The following PLCL1 variants were observed in gnomAD, a reference collection of about 807,000 sequenced individuals.
PLCL1 encodes phospholipase C like 1 (inactive), also known as inactive phospholipase C-like protein 1.
In PLCL1, 41 loss-of-function variants were observed where a neutral mutation model predicts 84.4. That is an observed-to-expected ratio of 0.49 (90% confidence interval 0.38 to 0.63). The LOEUF (loss-of-function observed/expected upper bound fraction) is 0.63, where lower values mean the gene tolerates loss of function less well. Among genes scored for constraint, PLCL1 ranks in the 30% least tolerant of loss-of-function variants. The probability of loss-of-function intolerance (pLI) is 0.00; values close to 1 mark genes in which losing one functional copy is unlikely to be tolerated. For missense variants in PLCL1, 1,206 were observed against 1,367.8 expected (o/e 0.88, Z 1.87); for synonymous variants, 490 against 488.3 (o/e 1.00, Z -0.05).
intron 1 of PLCL1, among the ~76,000 whole-genome samples, chr2:197,818,583 G>A (rs577827369): frequency 6.6e-6 from 1 of 152,168 alleles, no homozygotes; most frequent in Non-Finnish European, 1.5e-5. Flanking sequence ...TGCCCAGGTT[G>A]AACTTGAACT....
At chr2:198,061,315 A>C (rs190262606) in intron 1 of PLCL1, among the ~76,000 whole-genome samples, 1 of 152,208 alleles carries the variant, frequency 6.6e-6, no homozygotes. Context: ...TACAATTTCT[A>C]TTGTTTCTTG....
chr2:197,981,162 A>T (rs771727107), intron 1 of PLCL1, among the ~76,000 whole-genome samples: 3 of 152,208 alleles, frequency 2.0e-5, no homozygotes, highest in Non-Finnish European at 4.4e-5. Context: ...CAATCAAACT[A>T]GCAGTAGTTA....
intron 1 of PLCL1, among the ~76,000 whole-genome samples, chr2:197,955,336 A>G (rs1450481235): frequency 6.6e-6 from 1 of 152,006 alleles, no homozygotes; most frequent in Non-Finnish European, 1.5e-5. Context: ...GTGTGAGTCC[A>G]GCCTTGTTCC....
At chr2:198,055,365 A>AAGAGAG (rs3068250) in intron 1 of PLCL1, among the ~76,000 whole-genome samples, 2 of 128,760 alleles carry the variant, frequency 1.6e-5, no homozygotes, top group South Asian at 2.8e-4. Context: ...GAGAGAGAGA[A>AAGAGAG]AGAGAGAGAG....
At chr2:197,994,298 C>A (rs1405506177) in intron 1 of PLCL1, among the ~76,000 whole-genome samples, 1 of 152,176 alleles carries the variant, frequency 6.6e-6, no homozygotes, top group Non-Finnish European at 1.5e-5. Flanking sequence ...TCCTTTCACA[C>A]CTCACTGTGA....
chr2:197,951,592 C>T (rs1311961875), intron 1 of PLCL1, among the ~76,000 whole-genome samples: 1 of 152,138 alleles, frequency 6.6e-6, no homozygotes, highest in Admixed American at 6.6e-5. Flanking sequence ...AAGCATACCT[C>T]CTGTAGTTTG....
chr2:198,113,475 A>T (rs1202993934), intron 5 of PLCL1, among the ~76,000 whole-genome samples: 1 of 151,930 alleles, frequency 6.6e-6, no homozygotes, highest in African/African-American at 2.4e-5. Context: ...CAAGCACATG[A>T]TGTGTGTTAA....
chr2:198,097,176 G>A (rs1351641428), intron 3 of PLCL1, among the ~76,000 whole-genome samples: 1 of 152,180 alleles, frequency 6.6e-6, no homozygotes, highest in Non-Finnish European at 1.5e-5. Flanking sequence ...AGAGCTCGGT[G>A]TTTAAAAACA....
intron 1 of PLCL1, among the ~76,000 whole-genome samples, chr2:197,865,316 C>T (rs1301217499): frequency 1.3e-5 from 2 of 152,150 alleles, no homozygotes; most frequent in Non-Finnish European, 2.9e-5. Flanking sequence ...TTTCTCAGCA[C>T]TGAAGAAATT....
chr2:198,110,776 G>T (rs1296973589), intron 5 of PLCL1, among the ~76,000 whole-genome samples: 2 of 151,924 alleles, frequency 1.3e-5, no homozygotes, highest in East Asian at 3.9e-4. Flanking sequence ...CTGCCTGAGG[G>T]TATATAAAGA....
chr2:197,810,405 A>G, intron 1 of PLCL1: 2 of 531,112 alleles, frequency 3.8e-6, no homozygotes, highest in East Asian at 7.2e-5. Flanking sequence ...GAATTTACAA[A>G]GTTTGTTTTC....
chr2:197,999,249 C>T (rs1393902320), intron 1 of PLCL1, among the ~76,000 whole-genome samples: 1 of 152,144 alleles, frequency 6.6e-6, no homozygotes, highest in African/African-American at 2.4e-5. Context: ...CTGGCACCAT[C>T]TCACTTTCTG....
At chr2:197,898,500 A>T (rs1414414274) in intron 1 of PLCL1, among the ~76,000 whole-genome samples, 1 of 151,958 alleles carries the variant, frequency 6.6e-6, no homozygotes, top group African/African-American at 2.4e-5. Context: ...TCATTTGCAA[A>T]ATTTGAAACA....
intron 1 of PLCL1, among the ~76,000 whole-genome samples, chr2:197,813,439 A>C (rs1028716469): frequency 1.3e-5 from 2 of 152,168 alleles, no homozygotes; most frequent in Non-Finnish European, 2.9e-5. Context: ...CATCTTCAGC[A>C]TTTAGTAAAC....
intron 1 of PLCL1, among the ~76,000 whole-genome samples, chr2:197,882,919 G>T (rs780763188): frequency 6.6e-6 from 1 of 152,112 alleles, no homozygotes; most frequent in Non-Finnish European, 1.5e-5. Flanking sequence ...CATTATGGAC[G>T]TATTTTACAG....
chr2:198,098,256 G>A (rs1693249627), intron 3 of PLCL1, among the ~76,000 whole-genome samples: 1 of 152,120 alleles, frequency 6.6e-6, no homozygotes, highest in South Asian at 2.1e-4. Flanking sequence ...CTTCTCCAAA[G>A]TTCCTAACTC....
rs1316267278 is a variant in PLCL1, at chr2:198,148,745, T to C, written c.*1783T>C. On this transcript the variant is annotated 3_prime_UTR_variant, in exon 6 of 6. Coordinates refer to ENST00000428675, the MANE Select transcript of PLCL1 (RefSeq NM_006226.4). ...CCTTACATCAGCTGATTGGTTGATTTTACTAGTGTACCTCTTCATCTACTT... is the reference window on the plus strand; with the variant it reads ...CCTTACATCAGCTGATTGGTTGATTCTACTAGTGTACCTCTTCATCTACTT... The C allele has an allele frequency of 2.0e-5, 3 of 152,442 alleles. No homozygotes were observed. In the East Asian group the frequency reaches 5.6e-4, roughly 29 times the overall value. The allele number at this position is 152,442 out of a possible 1,614,324, so 9.4% of individuals were successfully genotyped here.
intron 1 of PLCL1, among the ~76,000 whole-genome samples, chr2:197,978,743 C>G (rs934408338): frequency 1.3e-5 from 2 of 152,214 alleles, no homozygotes; most frequent in African/African-American, 4.8e-5. Context: ...AGGTGGGAAC[C>G]AACCCTGGCC....
Position 197,998,173 on chromosome 2 carries a change from C to CTG in PLCL1, c.241-85584_241-85583insGT, listed in dbSNP as rs1332006979. On this transcript the variant is annotated intron_variant, in intron 1 of 5. Transcript: ENST00000428675. Reference sequence around the variant, plus strand: ...GGGAGTTTCCTTGAGAAGAATGGAGCTATGTGTGTGTGTGTGTGTGTGTGT... The same window carrying CTG: ...GGGAGTTTCCTTGAGAAGAATGGAGCTGTATGTGTGTGTGTGTGTGTGTGTGT... 1.0e-3 allele frequency among the ~76,000 whole-genome samples: 80 copies of CTG among 77,430 alleles called. 1 individual carries two copies. Among genetic ancestry groups the CTG allele is most frequent in the East Asian group, 2.9e-4 (1 of 3,466 alleles). 50.8% of individuals were successfully genotyped at this position (77,430 alleles called of 152,430 possible).
Sources: gnomAD v4.1 joint callset for allele counts (sites outside exome capture counted in the v4.1 genomes callset) on GRCh38, gnomAD v4.1.1 for gene constraint, MANE v1.5 for transcripts, NCBI Gene and HGNC (gene_info 2026-07-23, HGNC 2026-07-21) for gene names.